Variants in PHTF2 observed in about 807,000 individuals in gnomAD.
The protein encoded by PHTF2 is protein PHTF2.
PHTF2 carries 60 observed loss-of-function variants against 101.2 expected under a neutral mutation model. The observed-to-expected ratio is 0.59, with a 90% CI of 0.48 to 0.73. PHTF2 has a LOEUF of 0.73. Among genes scored for constraint, PHTF2 ranks in the 30% least tolerant of loss-of-function variants. The pLI is 0.00. For synonymous variants in PHTF2, 311 were observed against 307.3 expected, an observed-to-expected ratio of 1.01 and a Z score of -0.13; for missense variants, 747 against 908.7, an observed-to-expected ratio of 0.82 and a Z score of 2.29.
intron 13 of PHTF2, 117 bp from the exon 13 acceptor site, chr7:77,939,913 T>C (rs1805498250): frequency 4.1e-6 from 3 of 723,232 alleles, no homozygotes; most frequent in Non-Finnish European, 2.2e-6. Context: ...TTCAAATTAC[T>C]CAGAATGAGT....
chr7:77,926,636 T>C (rs1481467655), intron 11 of PHTF2, among the ~76,000 whole-genome samples: 1 of 152,116 alleles, frequency 6.6e-6, no homozygotes, highest in East Asian at 1.9e-4. Flanking sequence ...ATTTACAATC[T>C]ATTTGAGAAT....
At chr7:77,825,351 A>G (rs1794623926) in intron 1 of PHTF2, among the ~76,000 whole-genome samples, 1 of 152,222 alleles carries the variant, frequency 6.6e-6, no homozygotes, top group Non-Finnish European at 1.5e-5. Context: ...TATCTCATTC[A>G]TACTTTTAGA....
Position 77,924,973 on chromosome 7 carries a change from G to A in PHTF2, c.1119+2195G>A, listed in dbSNP as rs6961474. 2.8e-3 allele frequency among the ~76,000 whole-genome samples: 429 copies of A among 152,210 alleles called. 3 individuals carry two copies. The highest frequency in any genetic ancestry group is 0.015 in the South Asian group (71 of 4,816). ...AATTACTTGGTTATCTGGGATGCAG[G>A]AGGCGTCCTAGGGAACTGACAGCTT... On this transcript the variant is annotated intron_variant, in intron 11 of 19. Transcript: ENST00000416283.
chr7:77,850,340 G>A (rs4599733), intron 2 of PHTF2, among the ~76,000 whole-genome samples: 2 of 79,596 alleles, frequency 2.5e-5, no homozygotes, highest in Admixed American at 1.9e-4. Context: ...TAGCCTGAAA[G>A]ACAAAGCAAG....
exon 14 of PHTF2, chr7:77,940,042 A>G (rs1428791650): frequency 1.2e-6 from 2 of 1,612,740 alleles, no homozygotes; most frequent in Non-Finnish European, 1.7e-6. Context: ...GAACAGCCAT[A>G]TACCAGGAAT....
chr7:77,867,079 A>G (rs1798128263), intron 3 of PHTF2, among the ~76,000 whole-genome samples: 1 of 152,248 alleles, frequency 6.6e-6, no homozygotes, highest in Non-Finnish European at 1.5e-5. Context: ...TTTAGTCCTT[A>G]TAATTACCCT....
At chr7:77,910,522 G>C (rs1200223002) in intron 9 of PHTF2, 113 bp downstream of exon 8, 1 of 736,336 alleles carries the variant, frequency 1.4e-6, no homozygotes. Context: ...CCTCATTATG[G>C]ATTTTGTTTT....
chr7:77,843,584 A>G (rs1796051367), intron 2 of PHTF2, among the ~76,000 whole-genome samples: 1 of 152,246 alleles, frequency 6.6e-6, no homozygotes, highest in African/African-American at 2.4e-5. Flanking sequence ...AAAAATTTTT[A>G]GAGGCATTTG....
chr7:77,928,989 T>G (rs571434729), intron 11 of PHTF2, 120 bp from the exon 11 acceptor site: 2 of 641,936 alleles, frequency 3.1e-6, no homozygotes, highest in Admixed American at 5.9e-5. Flanking sequence ...TGTCTCACTA[T>G]CTTTTGAGGG....
At chr7:77,868,783 A>C (rs1408913180) in intron 3 of PHTF2, among the ~76,000 whole-genome samples, 1 of 152,198 alleles carries the variant, frequency 6.6e-6, no homozygotes, top group East Asian at 1.9e-4. Context: ...TTTAAAAACT[A>C]TCTGGCCTTG....
chr7:77,878,129 G>A (rs529111026), intron 3 of PHTF2, among the ~76,000 whole-genome samples: 21 of 152,240 alleles, frequency 1.4e-4, no homozygotes, highest in African/African-American at 4.6e-4. Context: ...TTGAAAAATC[G>A]CAGGGCCAGG....
chr7:77,940,546 C>A, exon 15 of PHTF2: 1 of 1,601,622 alleles, frequency 6.2e-7, no homozygotes, highest in Admixed American at 1.7e-5. Context: ...TTTTGCAAAA[C>A]TCTTTGGACA....
At chr7:77,820,302 G>T (rs1794180011) in intron 1 of PHTF2, among the ~76,000 whole-genome samples, 1 of 152,050 alleles carries the variant, frequency 6.6e-6, no homozygotes, top group African/African-American at 2.4e-5. Flanking sequence ...AACTTATCTA[G>T]TTTCTCTAGG....
intron 3 of PHTF2, among the ~76,000 whole-genome samples, chr7:77,889,813 A>G (rs897525771): frequency 1.3e-5 from 2 of 151,838 alleles, no homozygotes; most frequent in Non-Finnish European, 2.9e-5. Flanking sequence ...GTTGGCCAGG[A>G]TGGTCTCCAT....
chr7:77,924,125 G>GCTTTTT, intron 11 of PHTF2: 2 of 956,822 alleles, frequency 2.1e-6, no homozygotes. Flanking sequence ...AGCTTTAAAG[G>GCTTTTT]GCGTTTCTAA....
At chr7:77,945,473 A>G (rs906285054) in intron 16 of PHTF2, among the ~76,000 whole-genome samples, 3 of 152,206 alleles carry the variant, frequency 2.0e-5, no homozygotes, top group Non-Finnish European at 4.4e-5. Context: ...TGTATTAGGC[A>G]ATAAAGTAAA....
rs1355304647 is a variant in PHTF2 at position 77,899,984 on chromosome 7, T to C, written c.217-727T>C. On this transcript the variant is annotated intron_variant, in intron 5 of 19. Coordinates refer to ENST00000416283, the Ensembl canonical transcript of PHTF2. ...ATTTACTTTGTTATAGGTTTTTTTT[T>C]CACTAGTTTTGATCTACACCCCCCA... is the stretch of plus-strand genomic sequence containing the variant. Among the ~76,000 whole-genome samples, 6 of 147,026 alleles carry C rather than the reference T, an allele frequency of 4.1e-5. 1 individual carries two copies. In the South Asian group the frequency reaches 8.6e-4, roughly 21 times the overall value.
intron 12 of PHTF2, among the ~76,000 whole-genome samples, chr7:77,929,663 T>G (rs1804381975): frequency 6.6e-6 from 1 of 152,146 alleles, no homozygotes; most frequent in South Asian, 2.1e-4. Context: ...TTCACAAATC[T>G]ACATCTCATG....
chr7:77,860,788 T>C (rs1797576504), intron 3 of PHTF2, among the ~76,000 whole-genome samples: 1 of 152,164 alleles, frequency 6.6e-6, no homozygotes, highest in Admixed American at 6.5e-5. Context: ...CACGGTTCAC[T>C]GCAGCCTTGA....
Sources: gnomAD v4.1 joint callset for allele counts (sites outside exome capture counted in the v4.1 genomes callset) on GRCh38, gnomAD v4.1.1 for gene constraint, MANE v1.5 for transcripts, NCBI Gene and HGNC (gene_info 2026-07-23, HGNC 2026-07-21) for gene names.